WNK1: variants seen among roughly 807,000 people sequenced by gnomAD.
WNK1 encodes the protein WNK lysine deficient protein kinase 1.
In WNK1, 38 loss-of-function variants were observed where a neutral mutation model predicts 222.8. The observed-to-expected ratio is 0.17, with a 90% CI of 0.13 to 0.22. The LOEUF is 0.22. WNK1 is among the 10% of genes least tolerant of loss of function. The pLI, the probability that WNK1 is intolerant of heterozygous loss-of-function variation, is 1.00. For missense variants in WNK1, 2,348 were observed against 2,918.4 expected, an observed-to-expected ratio of 0.80 and a Z score of 4.50; for synonymous variants, 1,090 against 1,092.9, an observed-to-expected ratio of 1.00 and a Z score of 0.05.
intron 4 of WNK1, among the ~76,000 whole-genome samples, chr12:847,801 CTTTTTTT>C (rs898832948): frequency 0.011 from 726 of 68,648 alleles, 7 homozygotes; most frequent in Middle Eastern, 0.037. Flanking sequence ...GATTAATTCT[CTTTTTTT>C]TTTTTTTTTT....
At chr12:837,331 T>G (rs1163022874) in intron 4 of WNK1, among the ~76,000 whole-genome samples, 1 of 152,118 alleles carries the variant, frequency 6.6e-6, no homozygotes, top group Admixed American at 6.5e-5. Context: ...TCCAGCACTT[T>G]GGGAGGCTGA....
At chr12:856,090 A>C (rs1051157854) in intron 4 of WNK1, among the ~76,000 whole-genome samples, 1 of 151,412 alleles carries the variant, frequency 6.6e-6, no homozygotes, top group Non-Finnish European at 1.5e-5. Context: ...TGCCCACCTC[A>C]GCCTCCCCAA....
intron 2 of WNK1, among the ~76,000 whole-genome samples, chr12:819,579 A>G (rs942293035): frequency 6.6e-5 from 10 of 152,190 alleles, no homozygotes; most frequent in African/African-American, 1.4e-4. Context: ...ATAAAATCCA[A>G]TGTATCTGCT....
intron 1 of WNK1, among the ~76,000 whole-genome samples, chr12:798,194 T>G (rs1368480684): frequency 1.3e-5 from 2 of 148,986 alleles, no homozygotes; most frequent in African/African-American, 4.9e-5. Flanking sequence ...TGCATTTTCT[T>G]TTTTTTTTTG....
At chr12:817,665 G>C (rs535958244) in intron 2 of WNK1, among the ~76,000 whole-genome samples, 1 of 152,144 alleles carries the variant, frequency 6.6e-6, no homozygotes, top group Non-Finnish European at 1.5e-5. Flanking sequence ...AAGGCCAGGC[G>C]TGGTAGTTCA....
Position 753,303 on chromosome 12 carries a change from C to T in WNK1, c.-263C>T, listed in dbSNP as rs886049863. On this transcript the variant is annotated 5_prime_UTR_variant, in exon 1 of 28. Transcript: ENST00000315939. The surrounding 1 kb of genome is among the most constrained non-coding windows in gnomAD (Gnocchi z 5.2). ...GGATGCGGACCGTGCGGCGCTAACC[C>T]CCGTGGCTCAGCTCCCGAATCGCCC... The T allele has an allele frequency of 3.7e-6, 2 of 545,518 alleles. No homozygotes were observed. Among genetic ancestry groups the T allele is most frequent in the Middle Eastern group, 4.9e-4 (1 of 2,038 alleles). 33.8% of individuals were successfully genotyped at this position (545,518 alleles called of 1,614,324 possible).
chr12:855,826 GTTTTGT>G lies in WNK1; in HGVS notation c.1312-1312_1312-1307del, dbSNP rs780626743. Reference sequence around the variant, plus strand: ...TTATGTATATTTTCCACACATTGCTGTTTTGTTTTTGTTTTTGTTTTTGTTTTTTTT... The same window carrying G: ...TTATGTATATTTTCCACACATTGCTGTTTTGTTTTTGTTTTTGTTTTTTTT... On this transcript the variant is annotated intron_variant, in intron 4 of 27. Transcript: ENST00000315939. Among the ~76,000 whole-genome samples, 239 of 151,810 alleles carry G rather than the reference GTTTTGT, an allele frequency of 1.6e-3. 2 individuals are homozygous for G. Among genetic ancestry groups the G allele is most frequent in the African/African-American group, 4.0e-3 (164 of 41,424 alleles).
At chr12:785,614 A>G (rs996293996) in intron 1 of WNK1, among the ~76,000 whole-genome samples, 9 of 151,916 alleles carry the variant, frequency 5.9e-5, no homozygotes, top group Non-Finnish European at 1.2e-4. Flanking sequence ...CGCCAGGGTG[A>G]TCTGGATCTC....
In WNK1 at chr12:897,468, A is replaced by G. The variant is rs771472902; in HGVS notation, c.6246-11A>G. 4.0e-6 allele frequency: 6 copies of G among 1,518,902 alleles called. No homozygotes were observed. The highest frequency in any genetic ancestry group is 5.5e-6 in the Non-Finnish European group (6 of 1,093,200). 94.1% of individuals were successfully genotyped at this position (1,518,902 alleles called of 1,614,324 possible). ...ATGGTATTTTGAATTATGTTTGGTT[A>G]TCTTTCACAGACATCTCAAAGAGAT... On this transcript the variant is annotated splice_polypyrimidine_tract_variant and intron_variant, in intron 24 of 27. Transcript: ENST00000315939.
Position 908,861 on chromosome 12 carries a change from G to GGGGGGGGGGGGGGGGGGGC in WNK1, c.*69_*70insGGGGGGGGGGGGGGGGGGC. 2.0e-6 allele frequency: 1 copy of GGGGGGGGGGGGGGGGGGGC among 491,846 alleles called. No homozygotes were observed. Among genetic ancestry groups the GGGGGGGGGGGGGGGGGGGC allele is most frequent in the East Asian group, 6.0e-5 (1 of 16,748 alleles). 30.5% of individuals were successfully genotyped at this position (491,846 alleles called of 1,614,324 possible). On this transcript the variant is annotated 3_prime_UTR_variant, in exon 28 of 28. Coordinates refer to ENST00000315939, the MANE Select transcript of WNK1 (RefSeq NM_018979.4). ...ATGCTGAGGGGGTGGGTGGGGGTGG[G>GGGGGGGGGGGGGGGGGGGC]AAGTAGCCTATATACTAACTACTAG...
At chr12:810,996 A>C (rs1458748005) in intron 1 of WNK1, among the ~76,000 whole-genome samples, 1 of 152,200 alleles carries the variant, frequency 6.6e-6, no homozygotes, top group Non-Finnish European at 1.5e-5. Context: ...AAATGAACGA[A>C]ATGAATAGAA....
intron 1 of WNK1, among the ~76,000 whole-genome samples, chr12:801,885 A>T (rs1945914983): frequency 6.6e-6 from 1 of 152,136 alleles, no homozygotes; most frequent in South Asian, 2.1e-4. Context: ...TACAATGTGT[A>T]TTTACTTTGT....
chr12:865,437 T>A, intron 8 of WNK1: 1 of 1,476,508 alleles, frequency 6.8e-7, no homozygotes, highest in Non-Finnish European at 9.0e-7. Flanking sequence ...AGAATTTTAA[T>A]TAAAATTGAA....
chr12:798,946 T>C (rs1433307062), intron 1 of WNK1, among the ~76,000 whole-genome samples: 1 of 152,212 alleles, frequency 6.6e-6, no homozygotes, highest in African/African-American at 2.4e-5. Context: ...TTTTCTGTTT[T>C]GGGAAGTGTT....
At chr12:854,569 C>G (rs1239002873) in intron 4 of WNK1, among the ~76,000 whole-genome samples, 3 of 151,742 alleles carry the variant, frequency 2.0e-5, no homozygotes, top group Non-Finnish European at 4.4e-5. Flanking sequence ...GGCTGTCTTG[C>G]ACTCCTGACC....
chr12:869,599 G>A lies in WNK1; in HGVS notation c.2140-1666G>A, dbSNP rs546078622. On this transcript the variant is annotated intron_variant, in intron 8 of 27. Coordinates refer to ENST00000315939, the MANE Select transcript of WNK1 (RefSeq NM_018979.4). Reference sequence around the variant, plus strand: ...AATACACAGAATTTTCATTAGTGTCGAAGGATCTAAAAAGACAAAGTATAT... The same window carrying A: ...AATACACAGAATTTTCATTAGTGTCAAAGGATCTAAAAAGACAAAGTATAT... Among the ~76,000 whole-genome samples the A allele has an allele frequency of 6.6e-5, 10 of 151,914 alleles. 1 individual carries two copies. In the South Asian group the frequency reaches 1.0e-3, roughly 16 times the overall value.
At chr12:826,754 C>T (rs1016254841) in intron 2 of WNK1, among the ~76,000 whole-genome samples, 14 of 152,140 alleles carry the variant, frequency 9.2e-5, no homozygotes, top group Non-Finnish European at 1.9e-4. Flanking sequence ...GCTGATATAG[C>T]CAACTTGATC....
chr12:838,994 C>T (rs1216690744), intron 4 of WNK1, among the ~76,000 whole-genome samples: 1 of 151,936 alleles, frequency 6.6e-6, no homozygotes. Flanking sequence ...AAACACAGTC[C>T]CTGTCTCTAA....
At chr12:766,200 G>T (rs959617577) in intron 1 of WNK1, among the ~76,000 whole-genome samples, 1 of 152,160 alleles carries the variant, frequency 6.6e-6, no homozygotes, top group Admixed American at 6.5e-5. Flanking sequence ...TCACCATTAT[G>T]CAGTATATCC....
Sources: gnomAD v4.1 joint callset for allele counts (sites outside exome capture counted in the v4.1 genomes callset) on GRCh38, gnomAD v4.1.1 for gene constraint, Gnocchi (gnomAD v3.1) non-coding constraint, MANE v1.5 for transcripts, NCBI Gene and HGNC (gene_info 2026-07-23, HGNC 2026-07-21) for gene names.